The following ARL15 variants were observed in gnomAD, a reference collection of about 807,000 sequenced individuals.
ARL15 encodes ADP-ribosylation factor-like protein 15.
In ARL15, 19 loss-of-function variants were observed where a neutral mutation model predicts 25.2. That is an observed-to-expected ratio of 0.75 (90% confidence interval 0.53 to 1.10). The LOEUF (loss-of-function observed/expected upper bound fraction) is 1.10. Ranked by LOEUF, ARL15 falls within the 50% of genes least tolerant of loss-of-function variation. ARL15 has a pLI of 0.00. For synonymous variants in ARL15, 94 were observed against 86.8 expected (o/e 1.08, Z -0.46); for missense variants, 220 against 246.0 (o/e 0.89, Z 0.71).
intron 4 of ARL15, among the ~76,000 whole-genome samples, chr5:53,992,603 AC>A (rs1748538722): frequency 6.6e-6 from 1 of 152,230 alleles, no homozygotes; most frequent in African/African-American, 2.4e-5. Flanking sequence ...CTAGGAAAAA[AC>A]ATTTTTATTT....
At chr5:54,101,893 G>A (rs1752448525) in intron 4 of ARL15, among the ~76,000 whole-genome samples, 1 of 151,968 alleles carries the variant, frequency 6.6e-6, no homozygotes, top group Non-Finnish European at 1.5e-5. Context: ...AAAATATGCA[G>A]AAACATGTAT....
chr5:54,082,663 CTG>C, intron 4 of ARL15, among the ~76,000 whole-genome samples: 1 of 152,202 alleles, frequency 6.6e-6, no homozygotes, highest in Non-Finnish European at 1.5e-5. Context: ...TCCTTTTTTT[CTG>C]TGTTTTTCTC....
At chr5:54,060,128 CTAAA>C (rs1253646399) in intron 4 of ARL15, among the ~76,000 whole-genome samples, 2 of 64,802 alleles carry the variant, frequency 3.1e-5, no homozygotes, top group Admixed American at 1.5e-4. Flanking sequence ...GATCTGATGA[CTAAA>C]AAAAAAAAAA....
intron 1 of ARL15, among the ~76,000 whole-genome samples, chr5:54,306,535 C>T (rs35944): frequency 0.84 from 127,882 of 151,670 alleles, 54,054 homozygotes; most frequent in African/African-American, 0.88. Context: ...AGATTACAGG[C>T]ATGCGCCACG....
chr5:54,144,781 T>A (rs1281981728), intron 3 of ARL15, among the ~76,000 whole-genome samples: 1 of 152,184 alleles, frequency 6.6e-6, no homozygotes, highest in Non-Finnish European at 1.5e-5. Context: ...GTCAGCACAT[T>A]ACTGAGGCAC....
At position 54,298,822 on chromosome 5, in the gene ARL15, T is replaced by G. The variant is rs192724053; in HGVS notation, c.48+11610A>C. On this transcript the variant is annotated intron_variant, in intron 1 of 4. Coordinates refer to ENST00000504924, the MANE Select transcript of ARL15 (RefSeq NM_019087.3). ...TCCTCACCTGCTTGACATCACACTC[T>G]CCAGGTTTCCTTCCAACCTCTCAGT... Among the ~76,000 whole-genome samples the G allele has an allele frequency of 5.3e-5, 8 of 152,104 alleles. No homozygotes were observed. In the East Asian group the frequency reaches 1.6e-3, roughly 29 times the overall value.
intron 4 of ARL15, among the ~76,000 whole-genome samples, chr5:54,053,810 T>C (rs1195513106): frequency 2.0e-5 from 3 of 152,170 alleles, no homozygotes; most frequent in African/African-American, 4.8e-5. Flanking sequence ...CCTAAGGAGA[T>C]GTGAAAACTA....
intron 4 of ARL15, among the ~76,000 whole-genome samples, chr5:53,994,308 C>A (rs3776725): frequency 0.22 from 33,481 of 152,144 alleles, 3,895 homozygotes; most frequent in East Asian, 0.46. Context: ...CAATGTAATA[C>A]TACCAAATTC....
At chr5:54,134,573 T>A (rs994774727) in intron 3 of ARL15, among the ~76,000 whole-genome samples, 4 of 114,536 alleles carry the variant, frequency 3.5e-5, no homozygotes, top group Non-Finnish European at 7.3e-5. Context: ...ATTAGCTTTT[T>A]TTTTTTTTTT....
chr5:54,112,955 A>G, intron 4 of ARL15, among the ~76,000 whole-genome samples: 1 of 152,222 alleles, frequency 6.6e-6, no homozygotes. Flanking sequence ...GATGAAAAAT[A>G]TAACCAGAAA....
intron 1 of ARL15, among the ~76,000 whole-genome samples, chr5:54,261,014 C>T (rs1056145850): frequency 3.9e-5 from 6 of 152,148 alleles, no homozygotes; most frequent in Non-Finnish European, 7.3e-5. Flanking sequence ...TGATCTAAAC[C>T]CCTAGAAGAC....
intron 4 of ARL15, among the ~76,000 whole-genome samples, chr5:54,112,297 C>T (rs1247824616): frequency 1.3e-5 from 2 of 152,100 alleles, no homozygotes; most frequent in African/African-American, 4.8e-5. Flanking sequence ...AGGCTATCTG[C>T]CGTGGGTCAC....
At chr5:54,062,669 T>C (rs537984128) in intron 4 of ARL15, among the ~76,000 whole-genome samples, 1 of 152,220 alleles carries the variant, frequency 6.6e-6, no homozygotes, top group Non-Finnish European at 1.5e-5. Flanking sequence ...ATTAATCTTC[T>C]TTCTTTTATA....
chr5:54,303,830 T>C (rs1758680688), intron 1 of ARL15, among the ~76,000 whole-genome samples: 1 of 151,848 alleles, frequency 6.6e-6, no homozygotes, highest in Admixed American at 6.6e-5. Context: ...CCCCCAAAAG[T>C]GACACTAGGG....
At position 53,956,519 on chromosome 5, in the gene ARL15, T is replaced by C. The variant is rs77884166; in HGVS notation, c.463-69806A>G. Among the ~76,000 whole-genome samples, 736 of 151,402 alleles carry C rather than the reference T, an allele frequency of 4.9e-3. 7 individuals are homozygous for C. The highest frequency in any genetic ancestry group is 0.015 in the African/African-American group (621 of 41,434). On this transcript the variant is annotated intron_variant, in intron 4 of 4. Transcript: ENST00000504924. Reference sequence around the variant, plus strand: ...ATAGAAATTTCACAAAAGAAATTAATAGAAATTTCCCTGAGGACCAAAGGC... The same window carrying C: ...ATAGAAATTTCACAAAAGAAATTAACAGAAATTTCCCTGAGGACCAAAGGC...
chr5:53,970,983 C>T (rs745436919), intron 4 of ARL15, among the ~76,000 whole-genome samples: 4 of 151,616 alleles, frequency 2.6e-5, no homozygotes, highest in Non-Finnish European at 5.9e-5. Flanking sequence ...TAGAAAAATA[C>T]CTAGGGAGGA....
At chr5:53,968,001 T>C (rs1309331713) in intron 4 of ARL15, among the ~76,000 whole-genome samples, 1 of 151,802 alleles carries the variant, frequency 6.6e-6, no homozygotes, top group African/African-American at 2.4e-5. Context: ...ATTCCAGGTC[T>C]AGAGGAGTAA....
intron 4 of ARL15, among the ~76,000 whole-genome samples, chr5:53,932,886 AG>A (rs1481765139): frequency 3.9e-5 from 6 of 152,222 alleles, no homozygotes; most frequent in Non-Finnish European, 7.3e-5. Flanking sequence ...GCTGGGGCAA[AG>A]GACAATTAAA....
intron 4 of ARL15, among the ~76,000 whole-genome samples, chr5:53,953,954 T>C (rs1373794837): frequency 4.6e-5 from 7 of 152,146 alleles, no homozygotes; most frequent in Admixed American, 2.6e-4. Flanking sequence ...GTTAACCTTA[T>C]ACAGATGTAC....
Sources: gnomAD v4.1 joint callset for allele counts (sites outside exome capture counted in the v4.1 genomes callset) on GRCh38, gnomAD v4.1.1 for gene constraint, MANE v1.5 for transcripts, NCBI Gene and HGNC (gene_info 2026-07-23, HGNC 2026-07-21) for gene names.